MBD5: variants seen among roughly 807,000 people sequenced by gnomAD.
MBD5 encodes methyl-CpG binding domain protein 5, also known as methyl-CpG-binding domain protein 5.
A neutral mutation model predicts 117.3 loss-of-function variants in MBD5; 13 were observed. That is an observed-to-expected ratio of 0.11 (90% CI 0.07 to 0.18). The LOEUF is 0.18. MBD5 is among the 10% of genes least tolerant of loss of function. The pLI is 1.00. For synonymous variants in MBD5, 727 were observed against 766.4 expected, an observed-to-expected ratio of 0.95 and a Z score of 0.85; for missense variants, 1,879 against 2,093.8, an observed-to-expected ratio of 0.90 and a Z score of 2.00.
In MBD5 at chr2:148,163,025, T is replaced by C. The variant is rs184780214; in HGVS notation, c.-924-15675T>C. On this transcript the variant is annotated intron_variant, in intron 1 of 13. Coordinates refer to ENST00000642680, the MANE Select transcript of MBD5 (RefSeq NM_001378120.1). ...AAGTATTAAGACAATCCACTTTATG[T>C]CTCCACCCATCTTATCTGTCTCAGC... Among the ~76,000 whole-genome samples the C allele has an allele frequency of 3.0e-4, 45 of 152,314 alleles. No individual in the cohort carries two copies. In the East Asian group the frequency reaches 8.3e-3, roughly 28 times the overall value.
At chr2:148,448,873 C>T (rs1387301758) in intron 4 of MBD5, among the ~76,000 whole-genome samples, 2 of 151,976 alleles carry the variant, frequency 1.3e-5, no homozygotes, top group African/African-American at 4.8e-5. Context: ...GTGAAAATTA[C>T]CCCCCAAACC....
intron 4 of MBD5, among the ~76,000 whole-genome samples, chr2:148,395,537 G>A (rs951638475): frequency 6.7e-6 from 1 of 149,084 alleles, no homozygotes; most frequent in Non-Finnish European, 1.5e-5. Context: ...CAATTCTCCT[G>A]CTTCAGCCTC....
chr2:148,391,112 T>G (rs958339053), intron 4 of MBD5, among the ~76,000 whole-genome samples: 1 of 152,194 alleles, frequency 6.6e-6, no homozygotes, highest in Admixed American at 6.5e-5. Context: ...CAAGACTCTT[T>G]AATAAACCTA....
At chr2:148,381,399 G>A (rs1347135133) in intron 4 of MBD5, among the ~76,000 whole-genome samples, 2 of 152,002 alleles carry the variant, frequency 1.3e-5, no homozygotes, top group Non-Finnish European at 2.9e-5. Context: ...GAAATGAGAA[G>A]TTTAGAGAAA....
intron 3 of MBD5, among the ~76,000 whole-genome samples, chr2:148,328,550 G>A (rs1013474151): frequency 1.1e-4 from 16 of 152,234 alleles, no homozygotes; most frequent in African/African-American, 3.1e-4. Context: ...CTGGTGCACC[G>A]CTTTTTAAGC....
chr2:148,439,740 T>C (rs1230331727), intron 4 of MBD5, among the ~76,000 whole-genome samples: 4 of 149,342 alleles, frequency 2.7e-5, no homozygotes, highest in African/African-American at 9.8e-5. Flanking sequence ...TCTCTCTCTT[T>C]TTTTTTTTTT....
At chr2:148,139,470 C>T (rs1697257193) in intron 1 of MBD5, among the ~76,000 whole-genome samples, 1 of 152,002 alleles carries the variant, frequency 6.6e-6, no homozygotes, top group Non-Finnish European at 1.5e-5. Context: ...CCGAGGCCTC[C>T]GAAAGCGCTG....
chr2:148,489,613 T>A lies in MBD5; in HGVS notation c.3981T>A (p.Asp1327Glu), dbSNP rs755982193. ...ATGCCATTTACAAAGCAGTTGTCGA[T>A]GCAGCCAGCAAAGGAATGCAGGTTG... ...SVDAIYKAVV[D>E]AASKGMQVVI... The change falls in exon 11 of 14, where the codon GAT becomes GAA. Residue 1327 changes from aspartate (D) to glutamate (E), a missense_variant. Asp to Glu is a conservative substitution (Grantham distance 45, BLOSUM62 2). This residue lies in a region of MBD5 where 1,666 missense variants were observed against 1,792.2 expected (regional missense o/e 0.93). Coordinates refer to ENST00000642680, the MANE Select transcript of MBD5 (RefSeq NM_001378120.1). The A allele has an allele frequency of 1.2e-6, 2 of 1,614,058 alleles. No homozygotes were observed. The highest frequency in any genetic ancestry group is 1.7e-5 in the Admixed American group (1 of 59,998).
At chr2:148,326,190 G>C (rs979003991) in intron 3 of MBD5, among the ~76,000 whole-genome samples, 1 of 152,114 alleles carries the variant, frequency 6.6e-6, no homozygotes, top group African/African-American at 2.4e-5. Context: ...ATTGCACTAC[G>C]GTCTGAGATA....
At chr2:148,489,295 T>C (rs1681438083) in intron 10 of MBD5, 91 bp from the exon 11 acceptor site, 3 of 1,481,780 alleles carry the variant, frequency 2.0e-6, no homozygotes, top group African/African-American at 1.4e-5. Context: ...TATTTGTTTG[T>C]CTTTTGGTAA....
intron 4 of MBD5, among the ~76,000 whole-genome samples, chr2:148,343,640 C>T (rs1168185979): frequency 6.6e-6 from 1 of 151,700 alleles, no homozygotes; most frequent in Non-Finnish European, 1.5e-5. Flanking sequence ...TTTGCTTGTT[C>T]AATTGTTTAA....
chr2:148,224,509 A>ATTTTTT (rs34659671), intron 2 of MBD5, among the ~76,000 whole-genome samples: 2 of 58,182 alleles, frequency 3.4e-5, no homozygotes, highest in Non-Finnish European at 5.9e-5. Flanking sequence ...CGCCTGGCTA[A>ATTTTTT]TTTTTTTTTT....
At chr2:148,429,871 G>A (rs1388565605) in intron 4 of MBD5, among the ~76,000 whole-genome samples, 1 of 151,894 alleles carries the variant, frequency 6.6e-6, no homozygotes, top group Non-Finnish European at 1.5e-5. Flanking sequence ...GCGGAGGATA[G>A]CATTAAGAGA....
At chr2:148,474,641 T>C (rs1350846738) in intron 8 of MBD5, among the ~76,000 whole-genome samples, 2 of 152,126 alleles carry the variant, frequency 1.3e-5, no homozygotes, top group African/African-American at 4.8e-5. Context: ...CAAACATTTA[T>C]TTGCCTTAAC....
chr2:148,153,733 A>G (rs543006426), intron 1 of MBD5, among the ~76,000 whole-genome samples: 6 of 144,650 alleles, frequency 4.1e-5, no homozygotes, highest in East Asian at 2.0e-4. Flanking sequence ...TGATCGCATC[A>G]GCTCCTGAGG....
At chr2:148,346,055 G>A (rs939408177) in intron 4 of MBD5, 1 of 151,862 alleles carries the variant, frequency 6.6e-6, no homozygotes, top group African/African-American at 2.4e-5. Context: ...TTAATAATTT[G>A]TATCCTTCAA....
chr2:148,154,286 C>T (rs879114934), intron 1 of MBD5, among the ~76,000 whole-genome samples: 1 of 152,176 alleles, frequency 6.6e-6, no homozygotes. Context: ...GCAGTCTGCC[C>T]GTTCTCAGAT....
chr2:148,120,590 G>T (rs1227843409), intron 1 of MBD5, among the ~76,000 whole-genome samples: 3 of 152,030 alleles, frequency 2.0e-5, no homozygotes, highest in Non-Finnish European at 4.4e-5. Context: ...ACTGTTTATT[G>T]CTAGTGTGTT....
At chr2:148,434,675 T>C (rs375272560) in intron 4 of MBD5, among the ~76,000 whole-genome samples, 2 of 152,180 alleles carry the variant, frequency 1.3e-5, no homozygotes, top group East Asian at 3.8e-4. Flanking sequence ...TATGTCCAAA[T>C]GTGTGATCCA....
Sources: gnomAD v4.1 joint callset for allele counts (sites outside exome capture counted in the v4.1 genomes callset) on GRCh38, gnomAD v4.1.1 for gene constraint, gnomAD v4.1.1 regional missense constraint, MANE v1.5 for transcripts, NCBI Gene and HGNC (gene_info 2026-07-23, HGNC 2026-07-21) for gene names.